Variants in KLC4 observed in about 807,000 individuals in gnomAD.
KLC4 encodes the protein kinesin-like protein 8.
Under a neutral mutation model 77.2 loss-of-function variants are expected in KLC4, and 49 were observed. That is an observed-to-expected ratio of 0.63 (90% CI 0.50 to 0.80). KLC4 has a LOEUF of 0.80. KLC4 is among the 30% of genes least tolerant of loss of function. The pLI, the probability that KLC4 is intolerant of heterozygous loss-of-function variation, is 0.00. For missense variants in KLC4, 669 were observed against 793.5 expected, an observed-to-expected ratio of 0.84 and a Z score of 1.89; for synonymous variants, 274 against 314.5, an observed-to-expected ratio of 0.87 and a Z score of 1.36.
intron 2 of KLC4, among the ~76,000 whole-genome samples, chr6:43,061,954 G>T (rs936946438): frequency 5.9e-5 from 9 of 152,124 alleles, no homozygotes; most frequent in Non-Finnish European, 8.8e-5. Flanking sequence ...TAGATAGGGT[G>T]GTCAGAAAAG....
intron 13 of KLC4, 100 bp downstream of exon 13, chr6:43,073,064 T>TGGGAGC (rs1765808454): frequency 2.7e-6 from 4 of 1,454,592 alleles, no homozygotes; most frequent in Admixed American, 2.3e-5. Flanking sequence ...GTGTATTCCT[T>TGGGAGC]CAGGGGTATC....
chr6:43,060,398 G>C, intron 1 of KLC4: 1 of 1,509,734 alleles, frequency 6.6e-7, no homozygotes, highest in Non-Finnish European at 8.9e-7. Context: ...TTGAAGACCT[G>C]TGGGCAGAGG....
chr6:43,063,554 AT>A (rs59259365), intron 3 of KLC4, among the ~76,000 whole-genome samples: 225 of 145,538 alleles, frequency 1.5e-3, no homozygotes, highest in Middle Eastern at 3.4e-3. Context: ...AAATGTGTGA[AT>A]TTTTTTTTTT....
intron 1 of KLC4, chr6:43,060,139 G>C (rs1490257499): frequency 3.1e-6 from 5 of 1,597,994 alleles, no homozygotes; most frequent in Middle Eastern, 1.7e-4. Context: ...GCATCATCGG[G>C]CATTGTGGAG....
intron 6 of KLC4, among the ~76,000 whole-genome samples, chr6:43,068,134 A>G (rs1694019366): frequency 6.8e-6 from 1 of 147,296 alleles, no homozygotes; most frequent in Non-Finnish European, 1.5e-5. Context: ...AAAAAAAAAA[A>G]AAAAAGAAAA....
chr6:43,067,516 C>A, intron 6 of KLC4: 1 of 160,018 alleles, frequency 6.2e-6, no homozygotes, highest in Non-Finnish European at 1.4e-5. Context: ...GGCACAGTGG[C>A]TCACGAGTGT....
chr6:43,059,847 A>G (rs1447153317), intron 1 of KLC4, 162 bp downstream of exon 1: 16 of 1,166,168 alleles, frequency 1.4e-5, no homozygotes, highest in Non-Finnish European at 1.6e-5. Context: ...CGGCGTCCAG[A>G]CAGATAGACA....
chr6:43,060,195 G>T, intron 1 of KLC4: 2 of 1,613,990 alleles, frequency 1.2e-6, no homozygotes, highest in Non-Finnish European at 1.7e-6. Context: ...AGGTGACCGT[G>T]ACAGAGACAA....
chr6:43,065,236 G>A (rs535192865), intron 3 of KLC4, among the ~76,000 whole-genome samples: 3 of 152,168 alleles, frequency 2.0e-5, no homozygotes, highest in South Asian at 2.1e-4. Flanking sequence ...CACCACGCCC[G>A]GCTAATTTTG....
In KLC4 at chr6:43,070,448, G is replaced by A. The variant is rs1304846100; in HGVS notation, c.974G>A (p.Arg325Gln). ...EPLCQRALEI[R>Q]EKVLGTNHPD... ...CTGTGCCAGCGGGCACTGGAGATTCGAGAAAAGGTACCCATGCCCTCTCTC... is the reference window on the plus strand; with the variant it reads ...CTGTGCCAGCGGGCACTGGAGATTCAAGAAAAGGTACCCATGCCCTCTCTC... The change falls in exon 7 of 16, where the codon CGA becomes CAA. Residue 325 changes from arginine (R) to glutamine (Q), a missense_variant. Transcript: ENST00000347162. 1.9e-6 allele frequency: 3 copies of A among 1,611,626 alleles called. No individual in the cohort carries two copies. Among genetic ancestry groups the A allele is most frequent in the Non-Finnish European group, 2.5e-6 (3 of 1,177,884 alleles).
intron 3 of KLC4, among the ~76,000 whole-genome samples, chr6:43,065,213 T>C (rs1262570699): frequency 1.3e-5 from 2 of 152,176 alleles, no homozygotes; most frequent in Non-Finnish European, 2.9e-5. Flanking sequence ...TAGCTGGGAT[T>C]ATAGGCATGC....
At chr6:43,070,538 CTTT>C in intron 7 of KLC4, 83 bp downstream of exon 7, 8 of 1,354,440 alleles carry the variant, frequency 5.9e-6, no homozygotes, top group Non-Finnish European at 8.3e-6. Flanking sequence ...TCCTCCTTCA[CTTT>C]TTTTTTCTCA....
At position 43,073,498 on chromosome 6, in the gene KLC4, T is replaced by G; in HGVS notation, c.1745+160T>G. On this transcript the variant is annotated intron_variant, in intron 14 of 15. Coordinates refer to ENST00000347162, the MANE Select transcript of KLC4 (RefSeq NM_201521.3). ...AAACTCTCTCCTAAAAATACAAAAA[T>G]TAGTCGGGTGTGGTGGCAGGTGCCT... 7.3e-6 allele frequency: 4 copies of G among 551,082 alleles called. No homozygotes were observed. The South Asian group carries it at 8.0e-5, about 11-fold the overall frequency. 34.1% of individuals were successfully genotyped at this position (551,082 alleles called of 1,614,324 possible).
chr6:43,074,690 A>C lies in KLC4; in HGVS notation c.*18A>C. The C allele has an allele frequency of 6.2e-7, 1 of 1,611,912 alleles. No homozygotes were observed. The highest frequency in any genetic ancestry group is 8.5e-7 in the Non-Finnish European group (1 of 1,177,932). ...GCAGCTGACATTCAACCCGGCCCCCAGGTCTGCTGGGTCCCCCCACCCCCA... is the reference window on the plus strand; with the variant it reads ...GCAGCTGACATTCAACCCGGCCCCCCGGTCTGCTGGGTCCCCCCACCCCCA... On this transcript the variant is annotated 3_prime_UTR_variant, in exon 16 of 16. Transcript: ENST00000347162.
At position 43,073,344 on chromosome 6, in the gene KLC4, C is replaced by T. The variant is rs761817707; in HGVS notation, c.1745+6C>T. The T allele has an allele frequency of 1.3e-5, 21 of 1,599,976 alleles. No homozygotes were observed. The Admixed American group carries it at 3.5e-4, about 27-fold the overall frequency. On this transcript the variant is annotated splice_donor_region_variant and intron_variant, in intron 14 of 15. Transcript: ENST00000347162. Reference sequence around the variant, plus strand: ...ACTGAGCCTCGGCCCTCCAGGTATACATGGAAGTCAAGATACAGTAAAGTG... The same window carrying T: ...ACTGAGCCTCGGCCCTCCAGGTATATATGGAAGTCAAGATACAGTAAAGTG...
At chr6:43,065,559 C>A in intron 3 of KLC4, 61 bp from the exon 4 acceptor site, 1 of 1,106,174 alleles carries the variant, frequency 9.0e-7, no homozygotes, top group South Asian at 1.3e-5. Flanking sequence ...TTAGAGGGGT[C>A]ACTGAGAAGG....
At chr6:43,071,501 G>A (rs1488937276) in intron 9 of KLC4, 66 bp from the exon 10 acceptor site, 7 of 1,579,396 alleles carry the variant, frequency 4.4e-6, no homozygotes, top group Non-Finnish European at 6.1e-6. Flanking sequence ...TCAGCCTCTG[G>A]GTCCTGGCTC....
intron 1 of KLC4, chr6:43,060,445 G>T: frequency 7.0e-7 from 1 of 1,435,436 alleles, no homozygotes; most frequent in Non-Finnish European, 9.2e-7. Flanking sequence ...TGGGGCTCTG[G>T]GCCAGGTCCT....
intron 3 of KLC4, chr6:43,065,322 C>T (rs1765361610): frequency 3.6e-6 from 1 of 277,942 alleles, no homozygotes. Flanking sequence ...GATCTGCCCA[C>T]CTCGGCCTCC....
Sources: allele counts gnomAD v4.1 joint callset (sites outside exome capture counted in the v4.1 genomes callset), GRCh38; gene constraint gnomAD v4.1.1; transcripts MANE v1.5; gene names NCBI Gene and HGNC (gene_info 2026-07-23, HGNC 2026-07-21).